Variants in B3GALNT2 observed in about 807,000 individuals in gnomAD.
B3GALNT2 encodes beta-1,3-N-acetylgalactosaminyltransferase 2, also known as UDP-GalNAc:beta-1,3-N-acetylgalactosaminyltransferase 2.
A neutral mutation model predicts 61.1 loss-of-function variants in B3GALNT2; 53 were observed. The ratio of observed to expected loss-of-function variants is 0.87; its 90% CI spans 0.70 to 1.09. B3GALNT2 has a LOEUF of 1.09. B3GALNT2 is among the 50% of genes least tolerant of loss of function. The pLI is 0.00. For synonymous variants in B3GALNT2, 223 were observed against 237.4 expected, an observed-to-expected ratio of 0.94 and a Z score of 0.56; for missense variants, 544 against 623.0, an observed-to-expected ratio of 0.87 and a Z score of 1.35.
chr1:235,468,853 A>AT (rs1219194712), intron 6 of B3GALNT2, among the ~76,000 whole-genome samples: 1 of 152,208 alleles, frequency 6.6e-6, no homozygotes, highest in African/African-American at 2.4e-5. Context: ...AAGGAAAGAT[A>AT]TAATTCCATA....
Position 235,455,556 on chromosome 1 carries a change from T to A in B3GALNT2, c.1151+3A>T, listed in dbSNP as rs2102784573. The A allele has an allele frequency of 1.2e-6, 2 of 1,612,442 alleles. No individual in the cohort carries two copies. Among genetic ancestry groups the A allele is most frequent in the East Asian group, 2.2e-5 (1 of 44,876 alleles). On this transcript the variant is annotated splice_donor_region_variant and intron_variant, in intron 9 of 11. Coordinates refer to ENST00000366600, the MANE Select transcript of B3GALNT2 (RefSeq NM_152490.5). ...GCCAATGGGCTAAGAATGGTTAACT[T>A]ACTTTCCCCACCAAAAATTAGGCCC...
intron 3 of B3GALNT2, 37 bp from the exon 4 acceptor site, chr1:235,484,552 T>C (rs1169314643): frequency 3.8e-6 from 6 of 1,570,956 alleles, no homozygotes; most frequent in Non-Finnish European, 5.2e-6. Flanking sequence ...ACTGAACAAA[T>C]GTAATCCTTT....
chr1:235,494,935 CA>C, intron 1 of B3GALNT2, 107 bp from the exon 2 acceptor site: 1 of 1,109,566 alleles, frequency 9.0e-7, no homozygotes, highest in Non-Finnish European at 1.2e-6. Context: ...GTAGGAAATT[CA>C]GATAAACACA....
At position 235,480,151 on chromosome 1, in the gene B3GALNT2, T is replaced by G. The variant is rs1684491525; in HGVS notation, c.556-2A>C. 6.2e-7 allele frequency: 1 copy of G among 1,612,964 alleles called. No individual in the cohort carries two copies. Among genetic ancestry groups the G allele is most frequent in the African/African-American group, 1.3e-5 (1 of 74,862 alleles). ...GAAGCGAGCAATGAAGAGGGCCTCC[T>G]ACAAATTGGGAGAAAAAGACAAGAA... On this transcript the variant is annotated splice_acceptor_variant, in intron 4 of 11. Transcript: ENST00000366600. LOFTEE classifies it high-confidence loss of function.
At chr1:235,478,491 TACAAATTGCTAAACTCCC>T (rs1684401058) in intron 5 of B3GALNT2, among the ~76,000 whole-genome samples, 1 of 152,198 alleles carries the variant, frequency 6.6e-6, no homozygotes, top group South Asian at 2.1e-4. Flanking sequence ...TTCACACTGA[TACAAATTGCTAAACTCCC>T]CTCCAGGAAG....
chr1:235,442,175 A>AT, the B3GALNT2 span, among the ~76,000 whole-genome samples: 1 of 151,002 alleles, frequency 6.6e-6, no homozygotes, highest in African/African-American at 2.4e-5. Flanking sequence ...TGCCCGGCTA[A>AT]TTTTTTTTAA....
Position 235,448,413 on chromosome 1 carries a change from C to A in B3GALNT2, c.*1793G>T, listed in dbSNP as rs1227321643. ...GTCTTCTCAAAGTTCCTGTGTCAGA[C>A]CTTCTGTTGTCCTATGAAAGTCCCA... On this transcript the variant is annotated 3_prime_UTR_variant, in exon 12 of 12. Coordinates refer to ENST00000366600, the MANE Select transcript of B3GALNT2 (RefSeq NM_152490.5). 6 of 1,614,020 alleles carry A rather than the reference C, an allele frequency of 3.7e-6. No individual in the cohort carries two copies. Among genetic ancestry groups the A allele is most frequent in the Non-Finnish European group, 5.1e-6 (6 of 1,179,976 alleles).
intron 6 of B3GALNT2, among the ~76,000 whole-genome samples, chr1:235,467,046 TTAA>T (rs1215982265): frequency 2.0e-5 from 3 of 152,128 alleles, no homozygotes; most frequent in African/African-American, 7.2e-5. Flanking sequence ...AACTTGTCAT[TTAA>T]TTTAAAATAT....
intron 1 of B3GALNT2, among the ~76,000 whole-genome samples, chr1:235,499,970 G>C (rs1685512531): frequency 6.6e-6 from 1 of 152,166 alleles, no homozygotes; most frequent in Non-Finnish European, 1.5e-5. Context: ...TGGCTTTGGG[G>C]AAGAGGGATT....
At chr1:235,470,718 A>G in intron 6 of B3GALNT2, 132 bp downstream of exon 6, 1 of 1,328,888 alleles carries the variant, frequency 7.5e-7, no homozygotes, top group Admixed American at 2.9e-5. Flanking sequence ...AACATTTGCT[A>G]CTATATATGT....
intron 2 of B3GALNT2, among the ~76,000 whole-genome samples, chr1:235,494,248 AAAAC>A (rs1489431480): frequency 6.8e-5 from 10 of 147,960 alleles, no homozygotes; most frequent in East Asian, 2.0e-4. Flanking sequence ...ATCAAAGCAA[AAAAC>A]AAACAAACCA....
At chr1:235,491,563 CTCTT>C (rs1171280161) in intron 2 of B3GALNT2, among the ~76,000 whole-genome samples, 2 of 152,126 alleles carry the variant, frequency 1.3e-5, no homozygotes, top group Admixed American at 6.5e-5. Context: ...ACCTGCTCTT[CTCTT>C]TTAGTATTTT....
At chr1:235,474,280 A>G (rs1479345660) in intron 5 of B3GALNT2, among the ~76,000 whole-genome samples, 2 of 152,216 alleles carry the variant, frequency 1.3e-5, no homozygotes. Context: ...AAACCAAAAT[A>G]AAAGTTGGGA....
At chr1:235,482,821 T>C (rs540919372) in intron 4 of B3GALNT2, among the ~76,000 whole-genome samples, 316 of 152,086 alleles carry the variant, frequency 2.1e-3, no homozygotes, top group African/African-American at 7.4e-3. Flanking sequence ...AGCGAGACCC[T>C]GTCAAACAAC....
At chr1:235,457,638 T>C (rs1277284897) in intron 8 of B3GALNT2, among the ~76,000 whole-genome samples, 1 of 152,140 alleles carries the variant, frequency 6.6e-6, no homozygotes, top group African/African-American at 2.4e-5. Context: ...AGTTGTGGAA[T>C]TTTAGTAAGC....
chr1:235,481,841 C>G (rs186146225), intron 4 of B3GALNT2, among the ~76,000 whole-genome samples: 1 of 152,262 alleles, frequency 6.6e-6, no homozygotes, highest in African/African-American at 2.4e-5. Context: ...GCTCTTCTCA[C>G]TAATCATTAT....
rs575281436 is a variant in B3GALNT2, at chr1:235,461,826, T to C, written c.842-3040A>G. ...CTACTGCACCTGGCCTGACCTCCTG[T>C]TTAGACTTACAATTTTTGGACTTTA... On this transcript the variant is annotated intron_variant, in intron 7 of 11. Transcript: ENST00000366600. 6.6e-5 allele frequency among the ~76,000 whole-genome samples: 10 copies of C among 152,298 alleles called. No individual in the cohort carries two copies. The South Asian group carries it at 2.1e-3, about 32-fold the overall frequency.
rs1234572209 is a variant in B3GALNT2, at chr1:235,474,971, ATATATATATATATATATTTTTTTT to A, written c.652-4035_652-4012del. Among the ~76,000 whole-genome samples, 2 of 30,100 alleles carry A rather than the reference ATATATATATATATATATTTTTTTT, an allele frequency of 6.6e-5. 1 individual carries two copies. Among genetic ancestry groups the A allele is most frequent in the East Asian group, 3.0e-3 (2 of 676 alleles). 19.7% of individuals were successfully genotyped at this position (30,100 alleles called of 152,430 possible). A position where few individuals can be genotyped will look rare whatever the true frequency, so the allele number is the denominator to read the frequency against. The stretch of plus-strand genomic sequence containing the variant: ...GAGACATATATATATATATATATAT[ATATATATATATATATATTTTTTTT>A]TTTTTTTTTTTTTTTGAGACGGAGT... On this transcript the variant is annotated intron_variant, in intron 5 of 11. Coordinates refer to ENST00000366600, the MANE Select transcript of B3GALNT2 (RefSeq NM_152490.5).
intron 1 of B3GALNT2, among the ~76,000 whole-genome samples, chr1:235,496,959 T>C (rs1420984930): frequency 1.3e-5 from 2 of 152,210 alleles, no homozygotes; most frequent in Non-Finnish European, 2.9e-5. Flanking sequence ...TTTATCACTG[T>C]TCTATTCTAA....
Sources: gnomAD v4.1 joint callset for allele counts (sites outside exome capture counted in the v4.1 genomes callset) on GRCh38, gnomAD v4.1.1 for gene constraint, MANE v1.5 for transcripts, NCBI Gene and HGNC (gene_info 2026-07-23, HGNC 2026-07-21) for gene names.